USP12: variants seen among roughly 807,000 people sequenced by gnomAD.
USP12 encodes the protein ubiquitin specific peptidase 12.
A neutral mutation model predicts 45.5 loss-of-function variants in USP12; 19 were observed. The observed-to-expected ratio is 0.42, with a 90% CI of 0.29 to 0.61. The LOEUF (loss-of-function observed/expected upper bound fraction) is 0.61. Ranked by LOEUF, USP12 falls within the 20% of genes least tolerant of loss-of-function variation. The pLI, the probability that USP12 is intolerant of heterozygous loss-of-function variation, is 0.22. For synonymous variants in USP12, 149 were observed against 148.8 expected, an observed-to-expected ratio of 1.00 and a Z score of -0.01; for missense variants, 242 against 447.7, an observed-to-expected ratio of 0.54 and a Z score of 4.15.
At chr13:27,096,558 T>C (rs1290360583) in intron 3 of USP12, among the ~76,000 whole-genome samples, 2 of 152,212 alleles carry the variant, frequency 1.3e-5, no homozygotes, top group South Asian at 2.1e-4. Context: ...GTAAGGACTT[T>C]AGAGGCAGTA....
At chr13:27,130,426 T>C (rs1330461974) in intron 1 of USP12, among the ~76,000 whole-genome samples, 1 of 152,004 alleles carries the variant, frequency 6.6e-6, no homozygotes, top group Admixed American at 6.6e-5. Context: ...GAAAAGTCAT[T>C]ATACAAATGG....
chr13:27,155,730 T>C (rs1593213609), intron 1 of USP12, among the ~76,000 whole-genome samples: 2 of 152,342 alleles, frequency 1.3e-5, no homozygotes, highest in Admixed American at 6.5e-5. Context: ...TTAAATCTTA[T>C]TAATTATAGT....
chr13:27,070,144 C>T (rs927993890), intron 8 of USP12, among the ~76,000 whole-genome samples: 1 of 152,206 alleles, frequency 6.6e-6, no homozygotes, highest in African/African-American at 2.4e-5. Flanking sequence ...ACTACTATTA[C>T]CGCAGGCAAC....
intron 1 of USP12, among the ~76,000 whole-genome samples, chr13:27,134,962 A>G (rs1173629135): frequency 2.0e-5 from 3 of 152,230 alleles, no homozygotes; most frequent in African/African-American, 7.2e-5. Flanking sequence ...GATGCTGAAG[A>G]TATCTATGAA....
chr13:27,089,776 G>T, intron 6 of USP12, 107 bp downstream of exon 6: 1 of 1,048,978 alleles, frequency 9.5e-7, no homozygotes, highest in Non-Finnish European at 1.4e-6. Context: ...ATAGAATTAA[G>T]AATTTTTACT....
intron 1 of USP12, among the ~76,000 whole-genome samples, chr13:27,127,708 T>G (rs1374178743): frequency 6.6e-6 from 1 of 152,226 alleles, no homozygotes; most frequent in Non-Finnish European, 1.5e-5. Flanking sequence ...AAAAGTAGTT[T>G]ACTTTCTCCT....
At chr13:27,130,845 T>G (rs146652027) in intron 1 of USP12, among the ~76,000 whole-genome samples, 1 of 152,318 alleles carries the variant, frequency 6.6e-6, no homozygotes, top group Non-Finnish European at 1.5e-5. Flanking sequence ...CCAAAAAGAT[T>G]ACACAAGTAT....
At chr13:27,117,563 A>G (rs1161047036) in intron 1 of USP12, among the ~76,000 whole-genome samples, 2 of 152,096 alleles carry the variant, frequency 1.3e-5, no homozygotes, top group African/African-American at 4.8e-5. Context: ...GAGTATCTCA[A>G]AAACACAATG....
intron 6 of USP12, among the ~76,000 whole-genome samples, chr13:27,075,655 C>T (rs1873444632): frequency 6.6e-6 from 1 of 152,076 alleles, no homozygotes; most frequent in South Asian, 2.1e-4. Context: ...GATGGAATGG[C>T]GTTAGTCCTT....
intron 1 of USP12, among the ~76,000 whole-genome samples, chr13:27,137,183 T>G (rs1351875920): frequency 6.6e-6 from 1 of 152,206 alleles, no homozygotes; most frequent in Non-Finnish European, 1.5e-5. Flanking sequence ...TTCCTTCATT[T>G]TGAACAAAGG....
chr13:27,093,173 G>A (rs892669581), intron 4 of USP12, among the ~76,000 whole-genome samples: 17 of 149,190 alleles, frequency 1.1e-4, no homozygotes, highest in Admixed American at 3.3e-4. Context: ...CAACGAGAGC[G>A]AAACTCCATC....
At position 27,160,899 on chromosome 13, in the gene USP12, C is replaced by T. The variant is rs79609876; in HGVS notation, c.48+10693G>A. Among the ~76,000 whole-genome samples the T allele has an allele frequency of 8.1e-3, 1,227 of 152,060 alleles. 13 individuals carry two copies. Among genetic ancestry groups the T allele is most frequent in the African/African-American group, 0.028 (1,157 of 41,442 alleles). ...TGCTGCACAGCTCAACCCATCTCCC[C>T]GGGTTAAGCCCAGCATCCATCAGCT... On this transcript the variant is annotated intron_variant, in intron 1 of 8. Coordinates refer to ENST00000282344, the MANE Select transcript of USP12 (RefSeq NM_182488.4).
At chr13:27,171,429 G>C (rs891439388) in intron 1 of USP12, among the ~76,000 whole-genome samples, 163 bp downstream of exon 1, 42 of 144,636 alleles carry the variant, frequency 2.9e-4, no homozygotes, top group African/African-American at 1.0e-3. Context: ...CTCCCCGCCT[G>C]CGCGCCGTCC....
intron 2 of USP12, among the ~76,000 whole-genome samples, chr13:27,113,488 C>A (rs1460160224): frequency 1.3e-5 from 2 of 152,128 alleles, no homozygotes; most frequent in Non-Finnish European, 2.9e-5. Context: ...ATTTCCACAT[C>A]CCCCTACCCA....
At chr13:27,160,051 T>G (rs1411399428) in intron 1 of USP12, among the ~76,000 whole-genome samples, 1 of 152,178 alleles carries the variant, frequency 6.6e-6, no homozygotes, top group Non-Finnish European at 1.5e-5. Flanking sequence ...CAAAGGCAAC[T>G]GTGCAGTCTT....
intron 3 of USP12, among the ~76,000 whole-genome samples, chr13:27,097,908 G>C (rs1874667112): frequency 1.3e-5 from 2 of 151,902 alleles, no homozygotes; most frequent in South Asian, 4.2e-4. Flanking sequence ...ATATTTTGGG[G>C]ATGTGACTCA....
chr13:27,144,883 A>G (rs9512555), intron 1 of USP12, among the ~76,000 whole-genome samples: 71,979 of 151,128 alleles, frequency 0.48, 18,674 homozygotes, highest in South Asian at 0.77. Flanking sequence ...AATAGGGCCA[A>G]ATCCTGTCTC....
chr13:27,142,275 A>T (rs778380247), intron 1 of USP12, among the ~76,000 whole-genome samples: 6 of 152,208 alleles, frequency 3.9e-5, no homozygotes, highest in Non-Finnish European at 7.3e-5. Context: ...GGTATACCAA[A>T]CAATTGACTT....
In USP12 at chr13:27,100,859, G is replaced by A. The variant is rs151225357; in HGVS notation, c.343+4872C>T. ...TTTTATAAACACTGCTGAGGACCTA[G>A]TTAAGGTTAGAGATGAATAATTCCC... On this transcript the variant is annotated intron_variant, in intron 3 of 8. Coordinates refer to ENST00000282344, the MANE Select transcript of USP12 (RefSeq NM_182488.4). 5.3e-3 allele frequency among the ~76,000 whole-genome samples: 800 copies of A among 152,336 alleles called. 7 individuals are homozygous for A. Among genetic ancestry groups the A allele is most frequent in the African/African-American group, 0.018 (768 of 41,570 alleles).
Sources: gnomAD v4.1 joint callset for allele counts (sites outside exome capture counted in the v4.1 genomes callset) on GRCh38, gnomAD v4.1.1 for gene constraint, MANE v1.5 for transcripts, NCBI Gene and HGNC (gene_info 2026-07-23, HGNC 2026-07-21) for gene names.